The following ANKDD1B variants were observed in gnomAD, a reference collection of about 807,000 sequenced individuals.
ANKDD1B encodes the protein ankyrin repeat and death domain containing 1B.
Under a neutral mutation model 59.7 loss-of-function variants are expected in ANKDD1B, and 57 were observed. The ratio of observed to expected loss-of-function variants is 0.95; its 90% confidence interval spans 0.77 to 1.19. The LOEUF is 1.19. Among genes scored for constraint, ANKDD1B ranks in the 50% most tolerant of loss-of-function variants. The pLI is 0.00. For missense variants in ANKDD1B, 602 were observed against 641.9 expected (o/e 0.94, Z 0.67); for synonymous variants, 216 against 239.5 (o/e 0.90, Z 0.91).
At chr5:75,652,648 G>C (rs1172212635) in intron 7 of ANKDD1B, among the ~76,000 whole-genome samples, 1 of 152,174 alleles carries the variant, frequency 6.6e-6, no homozygotes, top group Non-Finnish European at 1.5e-5. Flanking sequence ...CATGTTGCCA[G>C]GGCTGATCTC....
At chr5:75,641,054 G>A (rs1774448760) in intron 7 of ANKDD1B, among the ~76,000 whole-genome samples, 1 of 152,184 alleles carries the variant, frequency 6.6e-6, no homozygotes, top group South Asian at 2.1e-4. Context: ...AAAGTTTATT[G>A]TGTGAAAGCT....
intron 1 of ANKDD1B, 70 bp downstream of exon 1, chr5:75,611,897 T>G: frequency 8.5e-7 from 1 of 1,178,276 alleles, no homozygotes; most frequent in Non-Finnish European, 1.1e-6. Flanking sequence ...CTTGAGAAGG[T>G]ACCCAGAGCA....
At chr5:75,641,353 G>A (rs1262843779) in intron 7 of ANKDD1B, among the ~76,000 whole-genome samples, 2 of 152,054 alleles carry the variant, frequency 1.3e-5, no homozygotes, top group African/African-American at 2.4e-5. Flanking sequence ...TTCTTTTTCT[G>A]TTTTTCTAAT....
At chr5:75,652,809 C>G (rs75349293) in intron 7 of ANKDD1B, among the ~76,000 whole-genome samples, 1,693 of 152,288 alleles carry the variant, frequency 0.011, 29 homozygotes, top group African/African-American at 0.039. Flanking sequence ...TGCCTGATTT[C>G]ATTGTGTGAA....
Position 75,659,344 on chromosome 5 carries a change from T to G in ANKDD1B, c.1058T>G (p.Leu353Arg), listed in dbSNP as rs1033931584. ...DRGNVELVET[L>R]LKAGCDLKAV... ...GGAAATGTGGAACTGGTGGAAACCC[T>G]GCTGAAGGCAGGCTGTGACTTGAAG... is the stretch of plus-strand genomic sequence containing the variant. Residue 353 changes from leucine to arginine, a missense_variant, in exon 10 of 14, where the codon CTG becomes CGG. Coordinates refer to ENST00000601380, the MANE Select transcript of ANKDD1B (RefSeq NM_001276713.2). 8 of 1,536,022 alleles carry G rather than the reference T, an allele frequency of 5.2e-6. No individual in the cohort carries two copies. The East Asian group carries it at 9.8e-5, about 19-fold the overall frequency.
intron 6 of ANKDD1B, 95 bp downstream of exon 6, chr5:75,635,091 G>A (rs373721314): frequency 1.1e-5 from 9 of 800,668 alleles, no homozygotes; most frequent in African/African-American, 8.6e-5. Context: ...TTTGGTGAGG[G>A]CGTTTTAGTC....
chr5:75,658,618 C>G lies in ANKDD1B; in HGVS notation c.997-665C>G, dbSNP rs557185278. Among the ~76,000 whole-genome samples the G allele has an allele frequency of 2.0e-5, 3 of 152,288 alleles. No homozygotes were observed. In the South Asian group the frequency reaches 6.2e-4, roughly 32 times the overall value. On this transcript the variant is annotated intron_variant, in intron 9 of 13. Coordinates refer to ENST00000601380, the MANE Select transcript of ANKDD1B (RefSeq NM_001276713.2). Reference sequence around the variant, plus strand: ...TAAAAATAAACTCTAATCCCTTCATCTAGACCTTATCATTAGCATTTTTCT... The same window carrying G: ...TAAAAATAAACTCTAATCCCTTCATGTAGACCTTATCATTAGCATTTTTCT...
At chr5:75,668,306 G>C (rs188650636) in intron 12 of ANKDD1B, among the ~76,000 whole-genome samples, 8 of 149,534 alleles carry the variant, frequency 5.3e-5, no homozygotes, top group African/African-American at 2.1e-4. Context: ...AATGACACTT[G>C]CAATTCAATT....
chr5:75,663,319 G>T, intron 10 of ANKDD1B, 75 bp from the exon 11 acceptor site: 1 of 1,089,538 alleles, frequency 9.2e-7, no homozygotes, highest in Non-Finnish European at 1.3e-6. Context: ...TTGAACCGAG[G>T]CCCCCTTGTT....
chr5:75,617,272 A>G (rs1002562287), intron 2 of ANKDD1B, among the ~76,000 whole-genome samples: 2 of 152,138 alleles, frequency 1.3e-5, no homozygotes, highest in Admixed American at 6.5e-5. Context: ...TTTTTTTGCT[A>G]TACAATCTGG....
rs1283593701 is a variant in ANKDD1B at position 75,625,746 on chromosome 5, G to T, written c.495+1G>T. On this transcript the variant is annotated splice_donor_variant, in intron 4 of 13. Coordinates refer to ENST00000601380, the MANE Select transcript of ANKDD1B (RefSeq NM_001276713.2). LOFTEE classifies it high-confidence loss of function. Reference sequence around the variant, plus strand: ...AGCAGACCAGAGAGCCAAGAATCAGGTAGGTATGTGGGTCACACCTGGACA... The same window carrying T: ...AGCAGACCAGAGAGCCAAGAATCAGTTAGGTATGTGGGTCACACCTGGACA... The T allele has an allele frequency of 6.5e-7, 1 of 1,536,226 alleles. No individual in the cohort carries two copies. Among genetic ancestry groups the T allele is most frequent in the Admixed American group, 2.0e-5 (1 of 50,984 alleles).
intron 5 of ANKDD1B, among the ~76,000 whole-genome samples, chr5:75,634,177 G>T (rs1383122391): frequency 1.3e-5 from 2 of 152,126 alleles, no homozygotes; most frequent in Non-Finnish European, 2.9e-5. Context: ...ATGACATTTT[G>T]GCTATGGAAA....
intron 10 of ANKDD1B, among the ~76,000 whole-genome samples, chr5:75,661,447 C>T (rs1775149103): frequency 7.2e-6 from 1 of 139,758 alleles, no homozygotes; most frequent in Non-Finnish European, 1.5e-5. Context: ...CCACTGTGGA[C>T]GATTTAGAAC....
At chr5:75,622,620 C>A (rs553992514) in intron 3 of ANKDD1B, among the ~76,000 whole-genome samples, 1 of 152,188 alleles carries the variant, frequency 6.6e-6, no homozygotes, top group African/African-American at 2.4e-5. Flanking sequence ...AAGCTTCTTA[C>A]CTCTGGGAAG....
chr5:75,655,784 A>G (rs1259267073), intron 8 of ANKDD1B, among the ~76,000 whole-genome samples: 1 of 152,204 alleles, frequency 6.6e-6, no homozygotes, highest in Non-Finnish European at 1.5e-5. Context: ...AGCTTGGCCC[A>G]TAGTAGGTGC....
Position 75,625,968 on chromosome 5 carries a change from T to C in ANKDD1B, c.600+13T>C, listed in dbSNP as rs1178052282. On this transcript the variant is annotated intron_variant, in intron 5 of 13. Coordinates refer to ENST00000601380, the MANE Select transcript of ANKDD1B (RefSeq NM_001276713.2). ...CCAGCCTGATGAGGTGTGTTCACTT[T>C]GGTTGTGTAGGTCTTGCATACACCC... 6.6e-7 allele frequency: 1 copy of C among 1,522,534 alleles called. No individual in the cohort carries two copies. The highest frequency in any genetic ancestry group is 2.0e-5 in the Admixed American group (1 of 50,970). The allele number at this position is 1,522,534 out of a possible 1,614,324, so 94.3% of individuals were successfully genotyped here.
At chr5:75,638,184 A>T (rs34341) in intron 7 of ANKDD1B, among the ~76,000 whole-genome samples, 65,489 of 152,068 alleles carry the variant, frequency 0.43, 16,920 homozygotes, top group Middle Eastern at 0.58. Context: ...CTGTTCTATT[A>T]AAACATGTTT....
Position 75,650,365 on chromosome 5 carries a change from G to C in ANKDD1B, c.799-2777G>C, listed in dbSNP as rs150458614. 1.6e-4 allele frequency among the ~76,000 whole-genome samples: 25 copies of C among 152,266 alleles called. No individual in the cohort carries two copies. The East Asian group carries it at 4.8e-3, about 29-fold the overall frequency. The stretch of plus-strand genomic sequence containing the variant: ...CTAACTGTTGCTGGTTTTGACAATG[G>C]AGCAAGGGGGTGTGAGCCAAAGAAC... On this transcript the variant is annotated intron_variant, in intron 7 of 13. Coordinates refer to ENST00000601380, the MANE Select transcript of ANKDD1B (RefSeq NM_001276713.2).
chr5:75,667,068 T>A, intron 12 of ANKDD1B, 75 bp downstream of exon 12: 1 of 993,750 alleles, frequency 1.0e-6, no homozygotes, highest in African/African-American at 1.6e-5. Flanking sequence ...TGTGAGGTCT[T>A]CCAAGGAAGT....
Sources: allele counts gnomAD v4.1 joint callset (sites outside exome capture counted in the v4.1 genomes callset), GRCh38; gene constraint gnomAD v4.1.1; transcripts MANE v1.5; gene names NCBI Gene and HGNC (gene_info 2026-07-23, HGNC 2026-07-21).